The following TSPAN9 variants were observed in gnomAD, a reference collection of about 807,000 sequenced individuals.
The protein encoded by TSPAN9 is tetraspanin 9, also known as tetraspanin-9.
Under a neutral mutation model 31.0 loss-of-function variants are expected in TSPAN9, and 16 were observed. The ratio of observed to expected loss-of-function variants is 0.52; its 90% CI spans 0.35 to 0.78. The LOEUF is 0.78. Among genes scored for constraint, TSPAN9 ranks in the 30% least tolerant of loss-of-function variants. The pLI, the probability that TSPAN9 is intolerant of heterozygous loss-of-function variation, is 0.01. For synonymous variants in TSPAN9, 145 were observed against 121.6 expected, an observed-to-expected ratio of 1.19 and a Z score of -1.27; for missense variants, 272 against 312.5, an observed-to-expected ratio of 0.87 and a Z score of 0.98.
intron 2 of TSPAN9, among the ~76,000 whole-genome samples, chr12:3,110,730 C>T (rs985097996): frequency 3.9e-5 from 6 of 152,202 alleles, no homozygotes; most frequent in Non-Finnish European, 8.8e-5. Context: ...AAGCACAGTT[C>T]ACCCAGGTTC....
At chr12:3,109,226 G>C (rs554010344) in intron 2 of TSPAN9, among the ~76,000 whole-genome samples, 1 of 150,642 alleles carries the variant, frequency 6.6e-6, no homozygotes, top group East Asian at 2.0e-4. Flanking sequence ...GTGAGCCACC[G>C]CTCCTGGCCA....
chr12:3,216,816 C>T (rs2098381664), intron 3 of TSPAN9, among the ~76,000 whole-genome samples: 1 of 152,214 alleles, frequency 6.6e-6, no homozygotes. Flanking sequence ...GGAGGTGGAA[C>T]CTCCTTGGCC....
intron 2 of TSPAN9, among the ~76,000 whole-genome samples, chr12:3,108,991 A>G (rs1332829856): frequency 1.3e-5 from 2 of 151,484 alleles, no homozygotes; most frequent in African/African-American, 4.9e-5. Context: ...GCTGCAGTGC[A>G]GTGGCGCGAT....
At chr12:3,226,977 G>C (rs2098388171) in intron 3 of TSPAN9, among the ~76,000 whole-genome samples, 1 of 149,448 alleles carries the variant, frequency 6.7e-6, no homozygotes, top group African/African-American at 2.5e-5. Context: ...AGAGAGGCCA[G>C]GTTATCCTCC....
chr12:3,283,323 G>T lies in TSPAN9; in HGVS notation c.*207G>T. On this transcript the variant is annotated 3_prime_UTR_variant, in exon 9 of 9. Coordinates refer to ENST00000011898, the MANE Select transcript of TSPAN9 (RefSeq NM_006675.5). ...GAGGCACACGGAGACCTGGGGCTCG[G>T]GGCCCCTGGATTCCTGCATCTGCAT... The T allele has an allele frequency of 1.8e-6, 1 of 554,238 alleles. No individual in the cohort carries two copies. The highest frequency in any genetic ancestry group is 3.1e-6 in the Non-Finnish European group (1 of 320,462). The allele number at this position is 554,238 out of a possible 1,614,324, so 34.3% of individuals were successfully genotyped here. A position where few individuals can be genotyped will look rare whatever the true frequency, so the allele number is the denominator to read the frequency against.
intron 3 of TSPAN9, among the ~76,000 whole-genome samples, chr12:3,223,291 C>T (rs567022351): frequency 1.8e-4 from 27 of 152,296 alleles, no homozygotes; most frequent in African/African-American, 3.4e-4. Context: ...GCCCCTTACC[C>T]GGCTAATTTG....
intron 3 of TSPAN9, 56 bp from the exon 4 acceptor site, chr12:3,278,365 G>A (rs1274686457): frequency 5.0e-5 from 80 of 1,597,298 alleles, no homozygotes; most frequent in Non-Finnish European, 6.7e-5. Flanking sequence ...CTGTTCCCAG[G>A]TCCATGGACG....
chr12:3,223,099 A>G (rs1263650636), intron 3 of TSPAN9, among the ~76,000 whole-genome samples: 4 of 152,186 alleles, frequency 2.6e-5, no homozygotes, highest in African/African-American at 7.2e-5. Context: ...CGTTGCCTCT[A>G]TCAGTTTGAT....
At chr12:3,189,766 C>T (rs1450772250) in intron 2 of TSPAN9, among the ~76,000 whole-genome samples, 1 of 152,140 alleles carries the variant, frequency 6.6e-6, no homozygotes, top group African/African-American at 2.4e-5. Context: ...ATGACAGCCC[C>T]ATAGCTATGG....
rs527275629 is a variant in TSPAN9 at position 3,217,885 on chromosome 12, C to A, written c.63+16629C>A. 1.0e-3 allele frequency among the ~76,000 whole-genome samples: 158 copies of A among 152,196 alleles called. 2 individuals are homozygous for A. Among genetic ancestry groups the A allele is most frequent in the African/African-American group, 3.7e-3 (154 of 41,526 alleles). ...TGTGTGTACAGTACAGAGCAAGGTG[C>A]TTAACTTTTAGAACCTTGACCTTCT... On this transcript the variant is annotated intron_variant, in intron 3 of 8. Coordinates refer to ENST00000011898, the MANE Select transcript of TSPAN9 (RefSeq NM_006675.5).
intron 3 of TSPAN9, among the ~76,000 whole-genome samples, chr12:3,267,158 G>A (rs1862552191): frequency 6.6e-6 from 1 of 152,204 alleles, no homozygotes; most frequent in Admixed American, 6.5e-5. Flanking sequence ...GGAGCCCCCA[G>A]CCCCTTCGCC....
intron 2 of TSPAN9, among the ~76,000 whole-genome samples, chr12:3,194,932 C>T (rs772346190): frequency 2.6e-5 from 4 of 152,166 alleles, no homozygotes; most frequent in Admixed American, 6.5e-5. Flanking sequence ...ATGGTTTGCT[C>T]GGCAACGAAA....
chr12:3,115,523 C>G (rs2098321827), intron 2 of TSPAN9, among the ~76,000 whole-genome samples: 1 of 152,222 alleles, frequency 6.6e-6, no homozygotes, highest in Non-Finnish European at 1.5e-5. Flanking sequence ...GGCTTATAAA[C>G]AATAGGCATT....
At chr12:3,200,976 G>T (rs1184480436) in intron 2 of TSPAN9, 2 of 565,568 alleles carry the variant, frequency 3.5e-6, no homozygotes, top group Non-Finnish European at 6.3e-6. Flanking sequence ...TCTTTGGACA[G>T]CAAGGACTCG....
At chr12:3,244,952 C>G (rs559408399) in intron 3 of TSPAN9, among the ~76,000 whole-genome samples, 16 of 152,256 alleles carry the variant, frequency 1.1e-4, no homozygotes, top group African/African-American at 3.6e-4. Flanking sequence ...CTTCTGCCAA[C>G]CTCTCTCTCT....
chr12:3,095,705 G>A (rs1467554863), intron 2 of TSPAN9, among the ~76,000 whole-genome samples: 2 of 141,812 alleles, frequency 1.4e-5, no homozygotes, highest in East Asian at 2.2e-4. Flanking sequence ...ATGGGGCGGC[G>A]GGGCAGAGGC....
At chr12:3,237,139 T>C (rs931860698) in intron 3 of TSPAN9, among the ~76,000 whole-genome samples, 1 of 152,094 alleles carries the variant, frequency 6.6e-6, no homozygotes, top group African/African-American at 2.4e-5. Context: ...GGAGGGGCTG[T>C]GAGATACATC....
intron 3 of TSPAN9, among the ~76,000 whole-genome samples, chr12:3,240,221 C>T (rs994109864): frequency 2.0e-5 from 3 of 152,198 alleles, no homozygotes; most frequent in African/African-American, 4.8e-5. Context: ...ATTTTACCCA[C>T]AGCTACTTTT....
intron 3 of TSPAN9, among the ~76,000 whole-genome samples, chr12:3,265,987 C>T (rs149653816): frequency 2.1e-3 from 324 of 152,250 alleles, no homozygotes; most frequent in African/African-American, 7.4e-3. Context: ...GTGTGTGATA[C>T]GGGCTCGGTT....
Sources: gnomAD v4.1 joint callset for allele counts (sites outside exome capture counted in the v4.1 genomes callset) on GRCh38, gnomAD v4.1.1 for gene constraint, MANE v1.5 for transcripts, NCBI Gene and HGNC (gene_info 2026-07-23, HGNC 2026-07-21) for gene names.